GALNT13: variants seen among roughly 807,000 people sequenced by gnomAD.
GALNT13 encodes the protein UDP-GalNAc:polypeptide N-acetylgalactosaminyltransferase 13.
In GALNT13, 28 loss-of-function variants were observed where a neutral mutation model predicts 64.2. The observed-to-expected ratio is 0.44, with a 90% CI of 0.32 to 0.60. The LOEUF is 0.60. GALNT13 is among the 20% of genes least tolerant of loss of function. The pLI is 0.05. For synonymous variants in GALNT13, 214 were observed against 224.6 expected, an observed-to-expected ratio of 0.95 and a Z score of 0.42; for missense variants, 577 against 669.8, an observed-to-expected ratio of 0.86 and a Z score of 1.53.
At chr2:153,783,410 T>C in the GALNT13 span, among the ~76,000 whole-genome samples, 51,227 of 115,390 alleles carry the variant, frequency 0.44, 9,028 homozygotes, top group Non-Finnish European at 0.53. Flanking sequence ...TTTTTTGTTG[T>C]TGTTTGTTTG....
chr2:153,205,215 T>C, the GALNT13 span, among the ~76,000 whole-genome samples: 2 of 149,446 alleles, frequency 1.3e-5, no homozygotes, highest in Admixed American at 1.3e-4. Flanking sequence ...TTAGTGTAAG[T>C]TGAGTCTGAC....
the GALNT13 span, among the ~76,000 whole-genome samples, chr2:153,572,451 C>T: frequency 1.3e-5 from 2 of 150,416 alleles, no homozygotes; most frequent in African/African-American, 4.9e-5. Flanking sequence ...TATTTCTGCC[C>T]TGGTCTTTAT....
chr2:153,533,150 G>A, the GALNT13 span, among the ~76,000 whole-genome samples: 2 of 151,964 alleles, frequency 1.3e-5, no homozygotes, highest in Non-Finnish European at 2.9e-5. Context: ...TTTAAAAAAT[G>A]TTTTTCTTTA....
At chr2:153,585,073 A>G in the GALNT13 span, among the ~76,000 whole-genome samples, 3 of 152,214 alleles carry the variant, frequency 2.0e-5, no homozygotes, top group Non-Finnish European at 4.4e-5. Context: ...GATCCTAACC[A>G]AAAAGAAATA....
intron 4 of GALNT13, among the ~76,000 whole-genome samples, chr2:154,201,936 T>C (rs2105781020): frequency 6.6e-6 from 1 of 152,188 alleles, no homozygotes; most frequent in Non-Finnish European, 1.5e-5. Context: ...TCAGCAAGAG[T>C]CACCTAATTT....
chr2:153,657,778 T>C, the GALNT13 span, among the ~76,000 whole-genome samples: 1 of 152,258 alleles, frequency 6.6e-6, no homozygotes, highest in Admixed American at 6.5e-5. Context: ...AGGCATATGT[T>C]TGAGAACAAC....
At chr2:153,068,874 C>T in the GALNT13 span, among the ~76,000 whole-genome samples, 60 of 152,250 alleles carry the variant, frequency 3.9e-4, no homozygotes, top group African/African-American at 1.3e-3. Flanking sequence ...TTCTCCTCCC[C>T]AATTGAATAA....
chr2:154,167,101 G>A (rs1286134237), intron 4 of GALNT13, among the ~76,000 whole-genome samples: 4 of 151,950 alleles, frequency 2.6e-5, no homozygotes, highest in Admixed American at 6.6e-5. Flanking sequence ...AGTTGTGCAC[G>A]TGTATTGTAG....
the GALNT13 span, among the ~76,000 whole-genome samples, chr2:153,628,741 C>G: frequency 4.7e-3 from 714 of 152,034 alleles, 3 homozygotes; most frequent in African/African-American, 0.016. Context: ...TGCTGGATTT[C>G]GTTTGCCAGT....
At chr2:154,015,407 A>C (rs981065884) in intron 3 of GALNT13, among the ~76,000 whole-genome samples, 4 of 152,234 alleles carry the variant, frequency 2.6e-5, no homozygotes, top group Admixed American at 2.6e-4. Context: ...GTGCTGATGT[A>C]GGTACTTCCA....
At chr2:153,080,979 C>T in the GALNT13 span, among the ~76,000 whole-genome samples, 1 of 151,834 alleles carries the variant, frequency 6.6e-6, no homozygotes, top group South Asian at 2.1e-4. Context: ...CACTGCCCAC[C>T]CTTAAATTTT....
At chr2:153,162,146 A>G in the GALNT13 span, among the ~76,000 whole-genome samples, 4 of 152,150 alleles carry the variant, frequency 2.6e-5, no homozygotes, top group Admixed American at 6.5e-5. Flanking sequence ...GCTTCTGTCA[A>G]TTGAGGTATT....
intron 3 of GALNT13, among the ~76,000 whole-genome samples, chr2:154,065,616 C>T (rs193030829): frequency 1.4e-4 from 22 of 152,302 alleles, no homozygotes; most frequent in African/African-American, 3.1e-4. Flanking sequence ...GTATCACCAA[C>T]GCGGTACCTC....
chr2:154,073,903 C>T (rs1337630029), intron 3 of GALNT13, among the ~76,000 whole-genome samples: 2 of 151,694 alleles, frequency 1.3e-5, no homozygotes, highest in African/African-American at 2.4e-5. Context: ...AATTCAAAGG[C>T]AGATTTGAGA....
chr2:153,960,586 G>A lies in GALNT13; in HGVS notation c.142+15947G>A, dbSNP rs181339269. The stretch of plus-strand genomic sequence containing the variant: ...GAGATGAAGGGGTGGTTTATTCAGG[G>A]AAGGGGTGGTAATCGTTGGGTCATT... On this transcript the variant is annotated intron_variant, in intron 3 of 12. Coordinates refer to ENST00000392825, the MANE Select transcript of GALNT13 (RefSeq NM_052917.4). Among the ~76,000 whole-genome samples, 188 of 152,308 alleles carry A rather than the reference G, an allele frequency of 1.2e-3. 1 individual carries two copies. The highest frequency in any genetic ancestry group is 1.9e-3 in the Non-Finnish European group (129 of 68,028).
At chr2:154,319,439 G>A (rs1047646248) in intron 9 of GALNT13, among the ~76,000 whole-genome samples, 1 of 152,140 alleles carries the variant, frequency 6.6e-6, no homozygotes, top group Non-Finnish European at 1.5e-5. Flanking sequence ...GCCGAGGTGG[G>A]TGGATCACTT....
At chr2:153,936,524 C>T (rs1558862773) in intron 2 of GALNT13, among the ~76,000 whole-genome samples, 1 of 152,024 alleles carries the variant, frequency 6.6e-6, no homozygotes, top group African/African-American at 2.4e-5. Flanking sequence ...AACAGCAGCC[C>T]TGTAGCCTGA....
chr2:154,054,453 C>T (rs947949300), intron 3 of GALNT13, among the ~76,000 whole-genome samples: 3 of 151,862 alleles, frequency 2.0e-5, no homozygotes, highest in Admixed American at 1.3e-4. Flanking sequence ...TAGAAGTTAC[C>T]GCCAAGTGAA....
At chr2:153,628,915 T>G in the GALNT13 span, among the ~76,000 whole-genome samples, 3 of 152,088 alleles carry the variant, frequency 2.0e-5, no homozygotes, top group South Asian at 4.1e-4. Context: ...AGTTTCAGAA[T>G]GAGTGGTACC....
Sources: allele counts gnomAD v4.1 joint callset (sites outside exome capture counted in the v4.1 genomes callset), GRCh38; gene constraint gnomAD v4.1.1; transcripts MANE v1.5; gene names NCBI Gene and HGNC (gene_info 2026-07-23, HGNC 2026-07-21).